Variants in PSD2 observed in about 807,000 individuals in gnomAD.
PSD2 encodes pleckstrin and Sec7 domain containing 2.
In PSD2, 38 loss-of-function variants were observed where a neutral mutation model predicts 69.8. The observed-to-expected ratio is 0.54, with a 90% CI of 0.42 to 0.71. The LOEUF (loss-of-function observed/expected upper bound fraction) is 0.71, where lower values mean the gene tolerates loss of function less well. Ranked by LOEUF, PSD2 falls within the 30% of genes least tolerant of loss-of-function variation. The pLI is 0.00. For synonymous variants in PSD2, 412 were observed against 423.0 expected, an observed-to-expected ratio of 0.97 and a Z score of 0.32; for missense variants, 943 against 1,014.5, an observed-to-expected ratio of 0.93 and a Z score of 0.96.
chr5:139,810,127 A>G (rs1299528970), intron 2 of PSD2, among the ~76,000 whole-genome samples: 4 of 152,100 alleles, frequency 2.6e-5, no homozygotes, highest in Non-Finnish European at 5.9e-5. Flanking sequence ...TAAAATGCCC[A>G]ATGTGAAAAT....
At position 139,833,763 on chromosome 5, in the gene PSD2, G is replaced by A. The variant is rs1230507306; in HGVS notation, c.1331G>A (p.Gly444Asp). The A allele has an allele frequency of 6.2e-7, 1 of 1,613,964 alleles. No individual in the cohort carries two copies. The highest frequency in any genetic ancestry group is 1.7e-5 in the Admixed American group (1 of 60,016). ...GCCAACTTGGACCAGCTGAATGATGGCCAAGACTTTGCCAAAGACCTGCTG... is the reference window on the plus strand; with the variant it reads ...GCCAACTTGGACCAGCTGAATGATGACCAAGACTTTGCCAAAGACCTGCTG... ...FIANLDQLND[G>D]QDFAKDLLKT... is the part of the protein sequence containing the mutation. Residue 444 changes from glycine to aspartate, a missense_variant, in exon 8 of 15, where the codon GGC becomes GAC. Physicochemically the swap from Gly to Asp is moderately conservative, Grantham distance 94. Around this residue, in one of 3 missense-constraint regions of PSD2, gnomAD observed 312 missense variants for 400.7 expected, o/e 0.78. Transcript: ENST00000274710.
At chr5:139,760,481 C>T in the PSD2 span, among the ~76,000 whole-genome samples, 1 of 152,180 alleles carries the variant, frequency 6.6e-6, no homozygotes, top group Non-Finnish European at 1.5e-5. Context: ...TTCCTGTCTC[C>T]ACTTCCCCTC....
In PSD2 at chr5:139,818,311, G is replaced by A. The variant is rs985122322; in HGVS notation, c.1097+750G>A. ...TGTAATCCCAGCACTTTGGGAGGCC[G>A]AGGCTGGAAGATTACCTGAGGCCAG... On this transcript the variant is annotated intron_variant, in intron 5 of 14. Coordinates refer to ENST00000274710, the MANE Select transcript of PSD2 (RefSeq NM_032289.4). 3.3e-5 allele frequency among the ~76,000 whole-genome samples: 5 copies of A among 152,278 alleles called. No homozygotes were observed. The Middle Eastern group carries it at 0.01, about 311-fold the overall frequency.
At chr5:139,798,739 A>G (rs1182891646) in intron 1 of PSD2, among the ~76,000 whole-genome samples, 1 of 152,184 alleles carries the variant, frequency 6.6e-6, no homozygotes, top group African/African-American at 2.4e-5. Context: ...CTTCAGCATG[A>G]ATTTCCTGAG....
chr5:139,842,338 A>C lies in PSD2; in HGVS notation c.2180A>C (p.Glu727Ala). Residue 727 changes from glutamate to alanine, a missense_variant, in exon 15 of 15, where the codon GAG becomes GCG. Physicochemically the swap from Glu to Ala is moderately radical, Grantham distance 107. Transcript: ENST00000274710. ...MKIKVGSDDL[E>A]RIEARLATLE... ...ATCAAAGTGGGCTCAGATGATCTGG[A>C]GCGGATTGAGGCCCGGCTGGCCACT... The C allele has an allele frequency of 1.2e-6, 2 of 1,614,130 alleles. No individual in the cohort carries two copies. The highest frequency in any genetic ancestry group is 1.7e-6 in the Non-Finnish European group (2 of 1,180,022).
chr5:139,792,163 G>C (rs535900690), upstream of PSD2, among the ~76,000 whole-genome samples: 256 of 151,712 alleles, frequency 1.7e-3, 1 homozygote, highest in African/African-American at 6.1e-3. Flanking sequence ...TCTTGGGGTC[G>C]TGGGGGTGCT....
chr5:139,762,926 G>T, the PSD2 span, among the ~76,000 whole-genome samples: 1 of 152,042 alleles, frequency 6.6e-6, no homozygotes, highest in Non-Finnish European at 1.5e-5. Context: ...AGGCTGTTGC[G>T]CTATAAATAC....
chr5:139,813,372 G>A lies in PSD2; in HGVS notation c.435G>A (p.Leu145=), dbSNP rs1760021945. 6.3e-7 allele frequency: 1 copy of A among 1,595,608 alleles called. No individual in the cohort carries two copies. The highest frequency in any genetic ancestry group is 2.3e-5 in the East Asian group (1 of 44,326). ...TCAGCGCCACGTTTGAGAAGATTCTGGAGTCAGAGCTGCTGCGGGGCACCC... is the reference window on the plus strand; with the variant it reads ...TCAGCGCCACGTTTGAGAAGATTCTAGAGTCAGAGCTGCTGCGGGGCACCC... ...DGFSATFEKI[L]ESELLRGTQY... The change falls in exon 3 of 15, where the codon CTG becomes CTA. Residue 145 remains leucine (L), a synonymous_variant. Transcript: ENST00000274710.
At chr5:139,776,276 G>T in the PSD2 span, among the ~76,000 whole-genome samples, 1 of 152,208 alleles carries the variant, frequency 6.6e-6, no homozygotes, top group African/African-American at 2.4e-5. Context: ...TGTAAGCTGG[G>T]ATACAACCAG....
At chr5:139,778,945 CAAAAAAAAAA>C in the PSD2 span, among the ~76,000 whole-genome samples, 4 of 99,904 alleles carry the variant, frequency 4.0e-5, no homozygotes, top group South Asian at 6.9e-4. Flanking sequence ...AGAAAAAAAA[CAAAAAAAAAA>C]AAAAAAAGAA....
the PSD2 span, among the ~76,000 whole-genome samples, chr5:139,747,351 G>A: frequency 6.6e-6 from 1 of 152,146 alleles, no homozygotes; most frequent in Non-Finnish European, 1.5e-5. The surrounding 1 kb of genome is among the most constrained non-coding windows in gnomAD (Gnocchi z 6.7). Context: ...GGGTGAGAGA[G>A]GGAGACGCAG....
intron 1 of PSD2, among the ~76,000 whole-genome samples, 155 bp from the exon 2 acceptor site, chr5:139,809,236 C>G (rs576373237): frequency 6.6e-6 from 1 of 152,162 alleles, no homozygotes; most frequent in Non-Finnish European, 1.5e-5. Flanking sequence ...CAGCATGGCC[C>G]GAACCCACAC....
chr5:139,819,847 A>T lies in PSD2; in HGVS notation c.1098-2046A>T, dbSNP rs74864774. 6.9e-3 allele frequency among the ~76,000 whole-genome samples: 1,055 copies of T among 152,294 alleles called. 18 individuals are homozygous for T. The highest frequency in any genetic ancestry group is 0.024 in the African/African-American group (994 of 41,550). On this transcript the variant is annotated intron_variant, in intron 5 of 14. Coordinates refer to ENST00000274710, the MANE Select transcript of PSD2 (RefSeq NM_032289.4). Reference sequence around the variant, plus strand: ...TGTTCAGCGGGGTCAGCTCATGATCAGAGGTGTGGGTGCTAGACTGAGTGC... The same window carrying T: ...TGTTCAGCGGGGTCAGCTCATGATCTGAGGTGTGGGTGCTAGACTGAGTGC...
chr5:139,826,704 T>C (rs1263935367), intron 7 of PSD2, among the ~76,000 whole-genome samples: 10 of 152,212 alleles, frequency 6.6e-5, no homozygotes, highest in African/African-American at 2.2e-4. Flanking sequence ...AGCTACTTAC[T>C]GTTTGAAAAG....
At position 139,842,380 on chromosome 5, in the gene PSD2, C is replaced by G; in HGVS notation, c.2222C>G (p.Pro741Arg). Residue 741 changes from proline (P) to arginine (R), a missense_variant, in exon 15 of 15, where the codon CCT (proline) becomes CGT (arginine). Transcript: ENST00000274710. ...CTGGCCACTCTGGAAGGGGATGACCCTTCTCTCCGGAAGACACATTCAAGC... is the reference window on the plus strand; with the variant it reads ...CTGGCCACTCTGGAAGGGGATGACCGTTCTCTCCGGAAGACACATTCAAGC... ...ARLATLEGDD[P>R]SLRKTHSSPA... The G allele has an allele frequency of 6.2e-7, 1 of 1,614,208 alleles. No individual in the cohort carries two copies. The highest frequency in any genetic ancestry group is 2.2e-5 in the East Asian group (1 of 44,874).
chr5:139,766,465 AC>A, the PSD2 span, among the ~76,000 whole-genome samples: 2 of 152,148 alleles, frequency 1.3e-5, no homozygotes, highest in African/African-American at 2.4e-5. Context: ...TCCCTGTCCC[AC>A]AATATGGGGT....
the PSD2 span, among the ~76,000 whole-genome samples, chr5:139,768,602 A>C: frequency 6.6e-6 from 1 of 152,092 alleles, no homozygotes; most frequent in Non-Finnish European, 1.5e-5. Flanking sequence ...GCATGCCTGT[A>C]ATCCCAGCTA....
At chr5:139,750,355 C>T in the PSD2 span, among the ~76,000 whole-genome samples, 10 of 152,018 alleles carry the variant, frequency 6.6e-5, no homozygotes, top group Admixed American at 6.6e-4. Flanking sequence ...AAAAAAAACC[C>T]AAAATATGAA....
chr5:139,777,366 A>G, the PSD2 span, among the ~76,000 whole-genome samples: 1 of 152,230 alleles, frequency 6.6e-6, no homozygotes, highest in Non-Finnish European at 1.5e-5. Context: ...TGTTGCAAAC[A>G]GATGCCAATG....
Sources: allele counts gnomAD v4.1 joint callset (sites outside exome capture counted in the v4.1 genomes callset), GRCh38; gene constraint gnomAD v4.1.1; regional missense constraint gnomAD v4.1.1; non-coding constraint Gnocchi (gnomAD v3.1); transcripts MANE v1.5; gene names NCBI Gene and HGNC (gene_info 2026-07-23, HGNC 2026-07-21).